Variants in ADAMTS6 observed in about 807,000 individuals in gnomAD.
ADAMTS6 encodes ADAM metallopeptidase with thrombospondin type 1 motif 6.
ADAMTS6 carries 23 observed loss-of-function variants against 144.3 expected under a neutral mutation model. The ratio of observed to expected loss-of-function variants is 0.16; its 90% CI spans 0.11 to 0.23. The LOEUF is 0.23. Among genes scored for constraint, ADAMTS6 ranks in the 10% least tolerant of loss-of-function variants. The pLI, the probability that ADAMTS6 is intolerant of heterozygous loss-of-function variation, is 1.00. For missense variants in ADAMTS6, 999 were observed against 1,379.6 expected, an observed-to-expected ratio of 0.72 and a Z score of 4.37; for synonymous variants, 444 against 457.5, an observed-to-expected ratio of 0.97 and a Z score of 0.38.
intron 5 of ADAMTS6, among the ~76,000 whole-genome samples, 159 bp downstream of exon 5, chr5:65,452,547 TA>T (rs1758839057): frequency 6.6e-6 from 1 of 152,106 alleles, no homozygotes; most frequent in Non-Finnish European, 1.5e-5. Context: ...AGGTCATCTT[TA>T]AATGTATTTT....
At chr5:65,198,627 T>C (rs1483862008) in intron 20 of ADAMTS6, 2 of 167,068 alleles carry the variant, frequency 1.2e-5, no homozygotes, top group African/African-American at 4.8e-5. Flanking sequence ...ATGACAGTGG[T>C]GAGCAGTTAG....
At chr5:65,340,851 T>C (rs1448128221) in intron 7 of ADAMTS6, among the ~76,000 whole-genome samples, 1 of 151,980 alleles carries the variant, frequency 6.6e-6, no homozygotes, top group Admixed American at 6.6e-5. Context: ...CAAAGTATTA[T>C]TTAAAAAATA....
At chr5:65,434,486 G>T (rs1757235551) in intron 7 of ADAMTS6, among the ~76,000 whole-genome samples, 1 of 152,086 alleles carries the variant, frequency 6.6e-6, no homozygotes. Context: ...ATAGAAAAAA[G>T]AAATATAACT....
intron 20 of ADAMTS6, among the ~76,000 whole-genome samples, chr5:65,206,973 A>C (rs1756146053): frequency 6.6e-6 from 1 of 152,122 alleles, no homozygotes; most frequent in Non-Finnish European, 1.5e-5. Flanking sequence ...TAGACTATGT[A>C]AATGTAAATG....
At chr5:65,241,419 CG>C (rs1317437136) in intron 15 of ADAMTS6, among the ~76,000 whole-genome samples, 1 of 151,676 alleles carries the variant, frequency 6.6e-6, no homozygotes, top group African/African-American at 2.4e-5. Context: ...TTAGTAGAGA[CG>C]GTGTTTTGCC....
chr5:65,427,341 T>C (rs1307024969), intron 7 of ADAMTS6, among the ~76,000 whole-genome samples: 1 of 152,026 alleles, frequency 6.6e-6, no homozygotes, highest in African/African-American at 2.4e-5. Flanking sequence ...TCTCACTCTG[T>C]CACCCAGGCT....
chr5:65,426,080 CTT>C (rs1756496527), intron 7 of ADAMTS6, among the ~76,000 whole-genome samples: 1 of 141,400 alleles, frequency 7.1e-6, no homozygotes, highest in Non-Finnish European at 1.5e-5. Context: ...GAGTTTCGCT[CTT>C]GTCTCCCAGG....
chr5:65,434,469 A>G (rs147203672), intron 7 of ADAMTS6, among the ~76,000 whole-genome samples: 327 of 152,338 alleles, frequency 2.1e-3, no homozygotes, highest in African/African-American at 7.6e-3. Flanking sequence ...TGGTGTATAA[A>G]GCTGTTATAG....
At chr5:65,263,048 CAA>C in intron 12 of ADAMTS6, 86 bp from the exon 13 acceptor site, 3 of 1,518,714 alleles carry the variant, frequency 2.0e-6, no homozygotes, top group Non-Finnish European at 2.7e-6. Flanking sequence ...AGGTACTGAC[CAA>C]CTATAGGCAT....
At chr5:65,272,499 A>T (rs574822723) in intron 12 of ADAMTS6, among the ~76,000 whole-genome samples, 1 of 152,234 alleles carries the variant, frequency 6.6e-6, no homozygotes, top group East Asian at 1.9e-4. Context: ...ATGTTTAAAT[A>T]AGTCTTAATA....
intron 20 of ADAMTS6, among the ~76,000 whole-genome samples, chr5:65,206,379 T>C (rs996041597): frequency 1.3e-5 from 2 of 152,114 alleles, no homozygotes; most frequent in African/African-American, 4.8e-5. Flanking sequence ...AAAATAGTAG[T>C]TGGAAATCAT....
chr5:65,201,964 G>GTGCCAA (rs1755768430), intron 20 of ADAMTS6, among the ~76,000 whole-genome samples: 1 of 152,098 alleles, frequency 6.6e-6, no homozygotes, highest in East Asian at 1.9e-4. Flanking sequence ...ACAAGTGCCA[G>GTGCCAA]GAAAAAAAAT....
At chr5:65,260,992 A>T (rs1761148271) in intron 13 of ADAMTS6, among the ~76,000 whole-genome samples, 1 of 152,066 alleles carries the variant, frequency 6.6e-6, no homozygotes, top group South Asian at 2.1e-4. Flanking sequence ...TCATAGTAAA[A>T]ATCACTTATT....
At chr5:65,339,872 A>G (rs1006416488) in intron 7 of ADAMTS6, among the ~76,000 whole-genome samples, 5 of 152,190 alleles carry the variant, frequency 3.3e-5, no homozygotes, top group Non-Finnish European at 4.4e-5. Flanking sequence ...TGGAACACTA[A>G]TAAGTTAACA....
intron 7 of ADAMTS6, among the ~76,000 whole-genome samples, chr5:65,367,655 C>T (rs1750425615): frequency 6.6e-6 from 1 of 152,072 alleles, no homozygotes; most frequent in Admixed American, 6.6e-5. Flanking sequence ...ACAGCCTTCC[C>T]ATGCAGCTGG....
At chr5:65,263,234 T>C (rs1761345379) in intron 12 of ADAMTS6, among the ~76,000 whole-genome samples, 1 of 152,304 alleles carries the variant, frequency 6.6e-6, no homozygotes, top group African/African-American at 2.4e-5. Context: ...TTTCTATTCC[T>C]CTTGACTTTT....
Position 65,474,308 on chromosome 5 carries a change from C to T in ADAMTS6, c.-279-356G>A, listed in dbSNP as rs1040957957. 3.3e-5 allele frequency among the ~76,000 whole-genome samples: 5 copies of T among 152,072 alleles called. No homozygotes were observed. The East Asian group carries it at 9.6e-4, about 29-fold the overall frequency. On this transcript the variant is annotated intron_variant, in intron 1 of 24. Transcript: ENST00000381055. The stretch of plus-strand genomic sequence containing the variant: ...ACTTCAGTTCATTATATGTGACAAA[C>T]AATATGTAATCCCATTCCATAACAT...
intron 7 of ADAMTS6, among the ~76,000 whole-genome samples, chr5:65,392,847 GCTAT>G (rs1172238030): frequency 4.6e-5 from 7 of 152,074 alleles, no homozygotes; most frequent in East Asian, 3.8e-4. Flanking sequence ...CAATCTTACA[GCTAT>G]CTGAGACATG....
At chr5:65,267,788 A>T (rs1761739009) in intron 12 of ADAMTS6, among the ~76,000 whole-genome samples, 1 of 152,094 alleles carries the variant, frequency 6.6e-6, no homozygotes, top group Non-Finnish European at 1.5e-5. Flanking sequence ...GGAATAAGAG[A>T]CCTCTAAGGA....
Sources: allele counts gnomAD v4.1 joint callset (sites outside exome capture counted in the v4.1 genomes callset), GRCh38; gene constraint gnomAD v4.1.1; transcripts MANE v1.5; gene names NCBI Gene and HGNC (gene_info 2026-07-23, HGNC 2026-07-21).